The following BEST2 variants were observed in gnomAD, a reference collection of about 807,000 sequenced individuals.
BEST2 encodes bestrophin 2.
Under a neutral mutation model 49.0 loss-of-function variants are expected in BEST2, and 36 were observed. The ratio of observed to expected loss-of-function variants is 0.73; its 90% CI spans 0.56 to 0.97. The LOEUF is 0.97. BEST2 is among the 50% of genes least tolerant of loss of function. The pLI is 0.00. For synonymous variants in BEST2, 335 were observed against 304.4 expected, an observed-to-expected ratio of 1.10 and a Z score of -1.05; for missense variants, 672 against 710.0, an observed-to-expected ratio of 0.95 and a Z score of 0.61.
Position 12,752,603 on chromosome 19 carries a change from C to CCTACACAGCCCGAGTGGCGAACGCT in BEST2, c.35_36insTCTACACAGCCCGAGTGGCGAACGC (p.Arg13LeufsTer66). On this transcript the variant is annotated frameshift_variant, in exon 2 of 10. Coordinates refer to ENST00000553030, the MANE Select transcript of BEST2 (RefSeq NM_017682.3). LOFTEE classifies it high-confidence loss of function. ...CTGCCGGGTGCCACGATGACCGTCA[C>CCTACACAGCCCGAGTGGCGAACGCT]CTACACAGCCCGAGTGGCGAACGCC... 1 of 1,611,796 alleles carries CCTACACAGCCCGAGTGGCGAACGCT rather than the reference C, an allele frequency of 6.2e-7. No individual in the cohort carries two copies.
rs1261139807 is a variant in BEST2, at chr19:12,757,988, T to C, written c.1441T>C (p.Phe481Leu). 1.4e-5 allele frequency: 22 copies of C among 1,611,946 alleles called. No homozygotes were observed. The highest frequency in any genetic ancestry group is 1.4e-5 in the Non-Finnish European group (17 of 1,179,706). The change falls in exon 10 of 10, where the codon TTC (phenylalanine) becomes CTC (leucine). Residue 481 changes from phenylalanine (F) to leucine (L), a missense_variant. Transcript: ENST00000553030. ...LTLIPGPVEP[F>L]SIVTMPGPRG... ...CCTCATCCCTGGGCCTGTCGAGCCC[T>C]TCAGCATCGTGACCATGCCCGGGCC...
chr19:12,753,888 C>T (rs1465511990), intron 3 of BEST2, among the ~76,000 whole-genome samples: 1 of 151,906 alleles, frequency 6.6e-6, no homozygotes, highest in African/African-American at 2.4e-5. Flanking sequence ...CTGATGTACA[C>T]CCCCACAAAC....
Position 12,752,728 on chromosome 19 carries a change from C to T in BEST2, c.136C>T (p.Leu46=). ...LLCFLGFYMA[L]SAAYRFVLTE... ...CTGCTTCCTTGGGTTCTACATGGCG[C>T]TGAGTGCTGCCTACCGGTGAGGCTG... Residue 46 remains leucine, a synonymous_variant, in exon 2 of 10, where the codon CTG becomes TTG. Transcript: ENST00000553030. 1.2e-6 allele frequency: 2 copies of T among 1,611,936 alleles called. No homozygotes were observed. Among genetic ancestry groups the T allele is most frequent in the Non-Finnish European group, 1.7e-6 (2 of 1,179,678 alleles).
Position 12,755,808 on chromosome 19 carries a change from G to A in BEST2, c.867+41G>A, listed in dbSNP as rs762979614. On this transcript the variant is annotated intron_variant, in intron 7 of 9. Transcript: ENST00000553030. The surrounding 1 kb of genome is among the most constrained non-coding windows in gnomAD (Gnocchi z 4.4). ...AGGCTGGAATTTCGTGGGTGGGGCG[G>A]GCATGGGGTTCCCAAGTTTCCACCT... 2 of 1,613,654 alleles carry A rather than the reference G, an allele frequency of 1.2e-6. No homozygotes were observed. The highest frequency in any genetic ancestry group is 1.7e-6 in the Non-Finnish European group (2 of 1,179,638).
Position 12,756,166 on chromosome 19 carries a change from T to G in BEST2, c.974T>G (p.Met325Arg). Residue 325 changes from methionine (M) to arginine (R), a missense_variant, in exon 9 of 10, where the codon ATG becomes AGG. Met to Arg is a moderately conservative substitution (Grantham distance 91, BLOSUM62 -1). Around this residue, in one of 3 missense-constraint regions of BEST2, gnomAD observed 291 missense variants for 279.8 expected, o/e 1.04. Transcript: ENST00000553030. ...GTGTCCATGCTGGCAGTGGACGAGA[T>G]GTATGATGACCTGGCTGTGCTGGAG... ...FQVSMLAVDE[M>R]YDDLAVLEKD... 1 of 1,614,270 alleles carries G rather than the reference T, an allele frequency of 6.2e-7. No homozygotes were observed. Among genetic ancestry groups the G allele is most frequent in the Non-Finnish European group, 8.5e-7 (1 of 1,180,048 alleles).
In BEST2 at chr19:12,758,315, C is replaced by CT. The variant is rs1171845749; in HGVS notation, c.*239dup. Reference sequence around the variant, plus strand: ...CCAACCCCCACTGCCTGAGAGGTCTCTATCAGTGTCCTGCCTGAATTCTTT... The same window carrying CT: ...CCAACCCCCACTGCCTGAGAGGTCTCTTATCAGTGTCCTGCCTGAATTCTTT... On this transcript the variant is annotated 3_prime_UTR_variant, in exon 10 of 10. Transcript: ENST00000553030. 9 of 562,428 alleles carry CT rather than the reference C, an allele frequency of 1.6e-5. No individual in the cohort carries two copies. The highest frequency in any genetic ancestry group is 2.8e-5 in the Non-Finnish European group (9 of 323,098). The allele number at this position is 562,428 out of a possible 1,614,324, so 34.8% of individuals were successfully genotyped here.
In BEST2 at chr19:12,755,331, GT is replaced by G; in HGVS notation, c.637-47del. The G allele has an allele frequency of 6.3e-7, 1 of 1,582,142 alleles. No homozygotes were observed. On this transcript the variant is annotated intron_variant, in intron 5 of 9. Transcript: ENST00000553030. This position sits in a 1 kb window ranked among gnomAD's most constrained non-coding sequence, Gnocchi z 4.4. ...CCACGTACCTACACTTAATATCCCT[GT>G]GTGAGCTCACCATTCAGGCCTCCTC... is the stretch of plus-strand genomic sequence containing the variant.
In BEST2 at chr19:12,755,054, T is replaced by G. The variant is rs748120552; in HGVS notation, c.636+23T>G. ...GAGGTGGGCCCAACCAGGAGGTCAT[T>G]CATATAGAATACCAGGGAAATTGTA... On this transcript the variant is annotated intron_variant, in intron 5 of 9. Coordinates refer to ENST00000553030, the MANE Select transcript of BEST2 (RefSeq NM_017682.3). The surrounding 1 kb of genome is among the most constrained non-coding windows in gnomAD (Gnocchi z 4.4). The G allele has an allele frequency of 3.2e-6, 5 of 1,577,984 alleles. No individual in the cohort carries two copies. In the African/African-American group the frequency reaches 6.9e-5, roughly 22 times the overall value.
Position 12,754,756 on chromosome 19 carries a change from TC to T in BEST2, c.456del (p.Thr153ProfsTer2). On this transcript the variant is annotated frameshift_variant, in exon 4 of 10. Transcript: ENST00000553030. LOFTEE classifies it high-confidence loss of function. Reference sequence around the variant, plus strand: ...GTCAGCACCGCGGTGTTCAAGCGCTTCCCCACCATAGACCACGTGGTGGAGG... The same window carrying T: ...GTCAGCACCGCGGTGTTCAAGCGCTTCCCACCATAGACCACGTGGTGGAGG... ...RSVSTAVFKRFPTIDHVVEAG... is the reference protein window; with the variant it reads ...RSVSTAVFKRXPTIDHVVEAG... 6.3e-7 allele frequency: 1 copy of T among 1,589,490 alleles called. No individual in the cohort carries two copies.
At position 12,755,584 on chromosome 19, in the gene BEST2, A is replaced by G. The variant is rs1193014993; in HGVS notation, c.715-31A>G. The G allele has an allele frequency of 6.2e-7, 1 of 1,608,274 alleles. No individual in the cohort carries two copies. Among genetic ancestry groups the G allele is most frequent in the African/African-American group, 1.3e-5 (1 of 74,638 alleles). ...CTAATCCTAGCCTTGGACCCCAATG[A>G]CCCCCCTGAGCCCTGCCCCGCCCTG... On this transcript the variant is annotated intron_variant, in intron 6 of 9. Coordinates refer to ENST00000553030, the MANE Select transcript of BEST2 (RefSeq NM_017682.3). This position sits in a 1 kb window ranked among gnomAD's most constrained non-coding sequence, Gnocchi z 4.4.
In BEST2 at chr19:12,757,971, C is replaced by G. The variant is rs978313533; in HGVS notation, c.1424C>G (p.Pro475Arg). 3.1e-6 allele frequency: 5 copies of G among 1,609,412 alleles called. No individual in the cohort carries two copies. The highest frequency in any genetic ancestry group is 3.4e-6 in the Non-Finnish European group (4 of 1,178,880). The change falls in exon 10 of 10, where the codon CCT becomes CGT. Residue 475 changes from proline (P) to arginine (R), a missense_variant. Pro to Arg is a moderately radical substitution (Grantham distance 103). Coordinates refer to ENST00000553030, the MANE Select transcript of BEST2 (RefSeq NM_017682.3). ...GGTCCCGAACCGCTTACCCTCATCC[C>G]TGGGCCTGTCGAGCCCTTCAGCATC... The part of the protein sequence containing the change: ...PAGPEPLTLI[P>R]GPVEPFSIVT...
rs1599460011 is a variant in BEST2, at chr19:12,757,880, G to C, written c.1333G>C (p.Glu445Gln). 9 of 1,550,186 alleles carry C rather than the reference G, an allele frequency of 5.8e-6. No individual in the cohort carries two copies. The highest frequency in any genetic ancestry group is 7.8e-6 in the Non-Finnish European group (9 of 1,147,828). ...GGTTGTCCCCGAAGGCGCGGCCCCGGAGTGCAGCTGCGGGGACCCGCTGCT... is the reference window on the plus strand; with the variant it reads ...GGTTGTCCCCGAAGGCGCGGCCCCGCAGTGCAGCTGCGGGGACCCGCTGCT... ...CAVVPEGAAP[E>Q]CSCGDPLLDP... The change falls in exon 10 of 10, where the codon GAG (glutamate) becomes CAG (glutamine). Residue 445 changes from glutamate to glutamine, a missense_variant. Coordinates refer to ENST00000553030, the MANE Select transcript of BEST2 (RefSeq NM_017682.3).
rs1230212102 is a variant in BEST2 at position 12,754,997 on chromosome 19, T to C, written c.602T>C (p.Ile201Thr). 6.2e-7 allele frequency: 1 copy of C among 1,611,456 alleles called. No individual in the cohort carries two copies. Among genetic ancestry groups the C allele is most frequent in the African/African-American group, 1.3e-5 (1 of 74,774 alleles). ...GCACAGGCCCGACGCGAGGGCCGCA[T>C]CCGCGACAACAGCGCCCTTAAGCTG... Reference protein sequence around the residue: ...LAAQARREGRIRDNSALKLLL... With the variant: ...LAAQARREGRTRDNSALKLLL... The change falls in exon 5 of 10, where the codon ATC (isoleucine) becomes ACC (threonine). Residue 201 changes from isoleucine to threonine, a missense_variant. Physicochemically the swap from Ile to Thr is moderately conservative, Grantham distance 89. Around this residue, in one of 3 missense-constraint regions of BEST2, gnomAD observed 365 missense variants for 390.9 expected, o/e 0.93. Transcript: ENST00000553030.
rs1278632579 is a variant in BEST2, at chr19:12,754,942, G to A, written c.547G>A (p.Val183Met). Residue 183 changes from valine to methionine, a missense_variant, in exon 5 of 10, where the codon GTG becomes ATG. This residue lies in a region of BEST2 where 365 missense variants were observed against 390.9 expected (regional missense o/e 0.93). Coordinates refer to ENST00000553030, the MANE Select transcript of BEST2 (RefSeq NM_017682.3). ...GAACTCATCCTACAACAAGTACTGG[G>A]TGCCCTGCGTCTGGTTCTCCAACCT... Reference protein sequence around the residue: ...NLNSSYNKYWVPCVWFSNLAA... With the variant: ...NLNSSYNKYWMPCVWFSNLAA... 3 of 1,613,804 alleles carry A rather than the reference G, an allele frequency of 1.9e-6. No homozygotes were observed. Among genetic ancestry groups the A allele is most frequent in the Non-Finnish European group, 8.5e-7 (1 of 1,179,920 alleles).
chr19:12,755,305 C>A lies in BEST2; in HGVS notation c.637-74C>A. On this transcript the variant is annotated intron_variant, in intron 5 of 9. Coordinates refer to ENST00000553030, the MANE Select transcript of BEST2 (RefSeq NM_017682.3). The surrounding 1 kb of genome is among the most constrained non-coding windows in gnomAD (Gnocchi z 4.4). The stretch of plus-strand genomic sequence containing the variant: ...CCACCAGGTGACCACCCACCTCCAT[C>A]CCACGTACCTACACTTAATATCCCT... 1.3e-6 allele frequency: 2 copies of A among 1,496,280 alleles called. No individual in the cohort carries two copies. The highest frequency in any genetic ancestry group is 1.4e-5 in the African/African-American group (1 of 72,562). The allele number at this position is 1,496,280 out of a possible 1,614,324, so 92.7% of individuals were successfully genotyped here.
At position 12,753,243 on chromosome 19, in the gene BEST2, T is replaced by C; in HGVS notation, c.153-17T>C. On this transcript the variant is annotated splice_polypyrimidine_tract_variant and intron_variant, in intron 2 of 9. Transcript: ENST00000553030. ...AGTCACCCTTGTGACCTGTGACCCC[T>C]CATCTCTATCCCGCAGCTTTGTGCT... 2 of 1,613,638 alleles carry C rather than the reference T, an allele frequency of 1.2e-6. No individual in the cohort carries two copies. Among genetic ancestry groups the C allele is most frequent in the Non-Finnish European group, 1.7e-6 (2 of 1,179,532 alleles).
Position 12,758,148 on chromosome 19 carries a change from C to A in BEST2, c.*71C>A. The A allele has an allele frequency of 6.6e-7, 1 of 1,514,966 alleles. No homozygotes were observed. Among genetic ancestry groups the A allele is most frequent in the South Asian group, 1.2e-5 (1 of 82,978 alleles). 93.8% of individuals were successfully genotyped at this position (1,514,966 alleles called of 1,614,324 possible). A position where few individuals can be genotyped will look rare whatever the true frequency, so the allele number is the denominator to read the frequency against. On this transcript the variant is annotated 3_prime_UTR_variant, in exon 10 of 10. Transcript: ENST00000553030. ...ACGGCACCCACGCAGGTGTCCCGGT[C>A]TGCATAAGCCTCGTGTGCCTTTGTA...
Position 12,757,697 on chromosome 19 carries a change from G to A in BEST2, c.1150G>A (p.Gly384Arg). The A allele has an allele frequency of 6.5e-7, 1 of 1,546,000 alleles. No homozygotes were observed. The change falls in exon 10 of 10, where the codon GGA becomes AGA. Residue 384 changes from glycine (G) to arginine (R), a missense_variant. By Grantham distance (125) the Gly-to-Arg change is moderately radical. Transcript: ENST00000553030. ...GTTCCAGCGGCTGGACGGCTTGGAT[G>A]GACCGATGGGAGAGGCGCCCGGCGA... ...MQFQRLDGLD[G>R]PMGEAPGDFL...
Position 12,755,718 on chromosome 19 carries a change from T to G in BEST2, c.818T>G (p.Val273Gly), listed in dbSNP as rs753951285. ...GYKDHDLDLCVPIFTLLQFFF... is the reference protein window; with the variant it reads ...GYKDHDLDLCGPIFTLLQFFF... ...AAAGACCACGACCTAGACCTGTGTG[T>G]GCCCATCTTCACCCTCTTGCAGTTC... is the stretch of plus-strand genomic sequence containing the variant. Residue 273 changes from valine to glycine, a missense_variant, in exon 7 of 10, where the codon GTG becomes GGG. Coordinates refer to ENST00000553030, the MANE Select transcript of BEST2 (RefSeq NM_017682.3). The surrounding 1 kb of genome is among the most constrained non-coding windows in gnomAD (Gnocchi z 4.4). 1 of 1,614,012 alleles carries G rather than the reference T, an allele frequency of 6.2e-7. No individual in the cohort carries two copies. Among genetic ancestry groups the G allele is most frequent in the Non-Finnish European group, 8.5e-7 (1 of 1,180,038 alleles).
Sources: allele counts gnomAD v4.1 joint callset (sites outside exome capture counted in the v4.1 genomes callset), GRCh38; gene constraint gnomAD v4.1.1; regional missense constraint gnomAD v4.1.1; non-coding constraint Gnocchi (gnomAD v3.1); transcripts MANE v1.5; gene names NCBI Gene and HGNC (gene_info 2026-07-23, HGNC 2026-07-21).